The following KRTAP4-11 variants were observed in gnomAD, a reference collection of about 807,000 sequenced individuals.
KRTAP4-11 encodes the protein keratin-associated protein 4-11.
Under a neutral mutation model 3.4 loss-of-function variants are expected in KRTAP4-11, and 3 were observed. The ratio of observed to expected loss-of-function variants is 0.87; its 90% CI spans 0.40 to 2.26. The LOEUF is 2.26. Ranked by LOEUF, KRTAP4-11 falls within the 30% of genes most tolerant of loss-of-function variation. KRTAP4-11 has a pLI of 0.05. For missense variants in KRTAP4-11, 248 were observed against 258.8 expected (o/e 0.96, Z 0.29); for synonymous variants, 94 against 89.4 (o/e 1.05, Z -0.29).
rs755426747 is a variant in KRTAP4-11, at chr17:41,118,332, G to A, written c.-17C>T. 4 of 1,579,262 alleles carry A rather than the reference G, an allele frequency of 2.5e-6. No individual in the cohort carries two copies. Among genetic ancestry groups the A allele is most frequent in the Non-Finnish European group, 3.4e-6 (4 of 1,161,470 alleles). On this transcript the variant is annotated 5_prime_UTR_variant, in exon 1 of 1. Coordinates refer to ENST00000391413, the MANE Select transcript of KRTAP4-11 (RefSeq NM_033059.4). ...GTTTACCATGGTGTCAGAGGGTGAA[G>A]GATCTAGTTGGGTTTCTAGGAGAGT...
rs532970353 is a variant in KRTAP4-11, at chr17:41,117,759, C to G, written c.557G>C (p.Arg186Pro). 6.3e-7 allele frequency: 1 copy of G among 1,588,392 alleles called. No individual in the cohort carries two copies. The part of the protein sequence containing the change: ...RPTCVISSCP[R>P]PLCCASSCC ...GCAAGAGGAGGCACAGCACAAGGGG[C>G]GGGGGCAGCTGGAGATGACACAGGT... The change falls in exon 1 of 1, where the codon CGC becomes CCC. Residue 186 changes from arginine (R) to proline (P), a missense_variant. Physicochemically the swap from Arg to Pro is moderately radical, Grantham distance 103 (BLOSUM62 -2). Around this residue, in one of 3 missense-constraint regions of KRTAP4-11, gnomAD observed 131 missense variants for 130.2 expected, o/e 1.01. Coordinates refer to ENST00000391413, the MANE Select transcript of KRTAP4-11 (RefSeq NM_033059.4).
At position 41,117,781 on chromosome 17, in the gene KRTAP4-11, A is replaced by T. The variant is rs1467452911; in HGVS notation, c.535T>A (p.Cys179Ser). The T allele has an allele frequency of 6.3e-7, 1 of 1,596,234 alleles. No homozygotes were observed. The highest frequency in any genetic ancestry group is 1.1e-5 in the South Asian group (1 of 89,200). Residue 179 changes from cysteine (C) to serine (S), a missense_variant, in exon 1 of 1, where the codon TGT (cysteine) becomes AGT (serine). Around this residue, in one of 3 missense-constraint regions of KRTAP4-11, gnomAD observed 131 missense variants for 130.2 expected, o/e 1.01. Coordinates refer to ENST00000391413, the MANE Select transcript of KRTAP4-11 (RefSeq NM_033059.4). ...GGGCGGGGGCAGCTGGAGATGACACAGGTTGGGCGATAGCAAGTGGTGTGG... is the reference window on the plus strand; with the variant it reads ...GGGCGGGGGCAGCTGGAGATGACACTGGTTGGGCGATAGCAAGTGGTGTGG... ...SCHTTCYRPT[C>S]VISSCPRPLC...
Position 41,118,083 on chromosome 17 carries a change from C to T in KRTAP4-11, c.233G>A (p.Ser78Asn), listed in dbSNP as rs2014321652. The change falls in exon 1 of 1, where the codon AGC (serine) becomes AAC (asparagine). Residue 78 changes from serine (S) to asparagine (N), a missense_variant. Transcript: ENST00000391413. ...RCCISSCCRP[S>N]CCVSSCCKPQ... Reference sequence around the variant, plus strand: ...CTTGCAGCAGCTGGACACACAGCAGCTGGGGCGACAGCAGCTGGAGATGCA... The same window carrying T: ...CTTGCAGCAGCTGGACACACAGCAGTTGGGGCGACAGCAGCTGGAGATGCA... The T allele has an allele frequency of 1.9e-6, 3 of 1,581,222 alleles. No individual in the cohort carries two copies. The East Asian group carries it at 6.8e-5, about 36-fold the overall frequency.
In KRTAP4-11 at chr17:41,117,478, A is replaced by G. The variant is rs571162260; in HGVS notation, c.*250T>C. On this transcript the variant is annotated 3_prime_UTR_variant, in exon 1 of 1. Coordinates refer to ENST00000391413, the MANE Select transcript of KRTAP4-11 (RefSeq NM_033059.4). ...ATTTAGAGGATTGGAATAATTTCTT[A>G]GCTAGTGGATTACAAATTATTTCAT... 1.6e-6 allele frequency: 1 copy of G among 640,512 alleles called. No homozygotes were observed. The highest frequency in any genetic ancestry group is 2.6e-6 in the Non-Finnish European group (1 of 378,978). The allele number at this position is 640,512 out of a possible 1,614,324, so 39.7% of individuals were successfully genotyped here. A position where few individuals can be genotyped will look rare whatever the true frequency, so the allele number is the denominator to read the frequency against.
rs1487315410 is a variant in KRTAP4-11 at position 41,118,236 on chromosome 17, G to A, written c.80C>T (p.Pro27Leu). 4.3e-6 allele frequency: 7 copies of A among 1,613,610 alleles called. No individual in the cohort carries two copies. The Admixed American group carries it at 5.0e-5, about 12-fold the overall frequency. ...GCAGCAGGTGGTCTCACAGCAGCTG[G>A]GGCGGCAGCAGGTCTCCTGGCAGAG... ...RDLCQETCCR[P>L]SCCETTCCRT... Residue 27 changes from proline (P) to leucine (L), a missense_variant, in exon 1 of 1, where the codon CCC becomes CTC. By Grantham distance (98) the Pro-to-Leu change is moderately conservative. Around this residue, in one of 3 missense-constraint regions of KRTAP4-11, gnomAD observed 110 missense variants for 102.8 expected, o/e 1.07. Transcript: ENST00000391413.
rs2014329996 is a variant in KRTAP4-11, at chr17:41,118,274, G to A, written c.42C>T (p.Gly14=). The stretch of plus-strand genomic sequence containing the variant: ...TCTCCTGGCAGAGGTCTCGGCCACA[G>A]CCTTGGTGAGAGCACACGGAGCCAC... ...SCCGSVCSHQ[G]CGRDLCQETC... The change falls in exon 1 of 1, where the codon GGC becomes GGT. Residue 14 remains glycine, a synonymous_variant. Transcript: ENST00000391413. 1.2e-6 allele frequency: 2 copies of A among 1,612,556 alleles called. No individual in the cohort carries two copies. Among genetic ancestry groups the A allele is most frequent in the Non-Finnish European group, 1.7e-6 (2 of 1,179,352 alleles).
In KRTAP4-11 at chr17:41,118,336, C is replaced by A. The variant is rs1187946897; in HGVS notation, c.-21G>T. The A allele has an allele frequency of 3.8e-6, 6 of 1,577,788 alleles. No homozygotes were observed. In the South Asian group the frequency reaches 6.0e-5, roughly 16 times the overall value. ...ACCATGGTGTCAGAGGGTGAAGGAT[C>A]TAGTTGGGTTTCTAGGAGAGTGAAG... On this transcript the variant is annotated 5_prime_UTR_variant, in exon 1 of 1. Transcript: ENST00000391413.
In KRTAP4-11 at chr17:41,117,727, C is replaced by T. The variant is rs993204279; in HGVS notation, c.*1G>A. The stretch of plus-strand genomic sequence containing the variant: ...GGGAGAGATGAGCCAGGGCAGTGGG[C>T]TCAGCAGCAAGAGGAGGCACAGCAC... On this transcript the variant is annotated 3_prime_UTR_variant, in exon 1 of 1. Coordinates refer to ENST00000391413, the MANE Select transcript of KRTAP4-11 (RefSeq NM_033059.4). The T allele has an allele frequency of 3.2e-6, 5 of 1,573,854 alleles. No individual in the cohort carries two copies. The highest frequency in any genetic ancestry group is 1.9e-5 in the Admixed American group (1 of 53,116).
Position 41,117,378 on chromosome 17 carries a change from T to A in KRTAP4-11, c.*350A>T, listed in dbSNP as rs904611761. 1.8e-4 allele frequency: 60 copies of A among 337,086 alleles called. 1 individual carries two copies. The East Asian group carries it at 1.8e-3, about 10-fold the overall frequency. The allele number at this position is 337,086 out of a possible 1,614,324, so 20.9% of individuals were successfully genotyped here. Reference sequence around the variant, plus strand: ...CTGAAAGGCTGACAGACAAATAATATGTTTGAAATGGAGATAATGTGTACC... The same window carrying A: ...CTGAAAGGCTGACAGACAAATAATAAGTTTGAAATGGAGATAATGTGTACC... On this transcript the variant is annotated 3_prime_UTR_variant, in exon 1 of 1. Coordinates refer to ENST00000391413, the MANE Select transcript of KRTAP4-11 (RefSeq NM_033059.4).
In KRTAP4-11 at chr17:41,118,364, C is replaced by T; in HGVS notation, c.-49G>A. 1.3e-6 allele frequency: 2 copies of T among 1,534,982 alleles called. No individual in the cohort carries two copies. The highest frequency in any genetic ancestry group is 1.8e-6 in the Non-Finnish European group (2 of 1,138,046). ...GTTGGGTTTCTAGGAGAGTGAAGTT[C>T]TTGTGTTTGGAAGTCTCCTGGGCCT... On this transcript the variant is annotated 5_prime_UTR_variant, in exon 1 of 1. Transcript: ENST00000391413.
chr17:41,117,396 T>G lies in KRTAP4-11; in HGVS notation c.*332A>C. Reference sequence around the variant, plus strand: ...AATAATATGTTTGAAATGGAGATAATGTGTACCTCACTGGGAAGGATATTC... The same window carrying G: ...AATAATATGTTTGAAATGGAGATAAGGTGTACCTCACTGGGAAGGATATTC... On this transcript the variant is annotated 3_prime_UTR_variant, in exon 1 of 1. Transcript: ENST00000391413. 2.3e-6 allele frequency: 1 copy of G among 434,040 alleles called. No individual in the cohort carries two copies. The allele number at this position is 434,040 out of a possible 1,614,324, so 26.9% of individuals were successfully genotyped here.
rs770080799 is a variant in KRTAP4-11, at chr17:41,117,982, G to C, written c.334C>G (p.Pro112Ala). The C allele has an allele frequency of 4.7e-6, 7 of 1,483,160 alleles. No individual in the cohort carries two copies. Among genetic ancestry groups the C allele is most frequent in the Non-Finnish European group, 6.3e-6 (7 of 1,105,982 alleles). 91.9% of individuals were successfully genotyped at this position (1,483,160 alleles called of 1,614,324 possible). Residue 112 changes from proline to alanine, a missense_variant, in exon 1 of 1, where the codon CCC (proline) becomes GCC (alanine). Physicochemically the swap from Pro to Ala is conservative, Grantham distance 27. Around this residue, in one of 3 missense-constraint regions of KRTAP4-11, gnomAD observed 131 missense variants for 130.2 expected, o/e 1.01. Coordinates refer to ENST00000391413, the MANE Select transcript of KRTAP4-11 (RefSeq NM_033059.4). ...PRCCISSCCRPSCCVSSCCRP... is the reference protein window; with the variant it reads ...PRCCISSCCRASCCVSSCCRP... ...CAGCAGCTGGACACACAGCAGCTGG[G>C]GCGACAGCAGCTGGAGATGCAGCAT...
Position 41,117,360 on chromosome 17 carries a change from G to T in KRTAP4-11, c.*368C>A, listed in dbSNP as rs1013121527. ...TCCAAGAGAAAAGAATGACTGAAAG[G>T]CTGACAGACAAATAATATGTTTGAA... On this transcript the variant is annotated 3_prime_UTR_variant, in exon 1 of 1. Transcript: ENST00000391413. The T allele has an allele frequency of 5.4e-5, 16 of 298,986 alleles. No individual in the cohort carries two copies. Among genetic ancestry groups the T allele is most frequent in the Admixed American group, 2.8e-4 (6 of 21,548 alleles). 18.5% of individuals were successfully genotyped at this position (298,986 alleles called of 1,614,324 possible).
rs777282527 is a variant in KRTAP4-11 at position 41,117,848 on chromosome 17, G to A, written c.468C>T (p.Arg156=). The change falls in exon 1 of 1, where the codon CGC becomes CGT. Residue 156 remains arginine (R), a synonymous_variant. Coordinates refer to ENST00000391413, the MANE Select transcript of KRTAP4-11 (RefSeq NM_033059.4). The part of the protein sequence containing the change: ...RPSCCESSCC[R]PCCCLRPVCG... ...AGACTGGACGCAGGCAGCAGCAGGG[G>A]CGGCAGCAGCTGGATTCACAGCAAG... The A allele has an allele frequency of 4.4e-6, 7 of 1,604,186 alleles. No homozygotes were observed. The Admixed American group carries it at 1.0e-4, about 23-fold the overall frequency.
Position 41,117,970 on chromosome 17 carries a change from C to A in KRTAP4-11, c.346G>T (p.Val116Leu). 6.7e-7 allele frequency: 1 copy of A among 1,496,666 alleles called. No homozygotes were observed. The highest frequency in any genetic ancestry group is 2.4e-5 in the East Asian group (1 of 40,838). The allele number at this position is 1,496,666 out of a possible 1,614,324, so 92.7% of individuals were successfully genotyped here. A position where few individuals can be genotyped will look rare whatever the true frequency, so the allele number is the denominator to read the frequency against. The change falls in exon 1 of 1, where the codon GTG (valine) becomes TTG (leucine). Residue 116 changes from valine (V) to leucine (L), a missense_variant. By Grantham distance (32) the Val-to-Leu change is conservative. Coordinates refer to ENST00000391413, the MANE Select transcript of KRTAP4-11 (RefSeq NM_033059.4). ...ISSCCRPSCCVSSCCRPQCCQ... is the reference protein window; with the variant it reads ...ISSCCRPSCCLSSCCRPQCCQ... ...CACTGGGGTCTGCAGCAGCTGGACA[C>A]ACAGCAGCTGGGGCGACAGCAGCTG...
rs113975046 is a variant in KRTAP4-11, at chr17:41,117,387, T to G, written c.*341A>C. 0.051 allele frequency: 19,192 copies of G among 376,634 alleles called. 1,400 individuals carry two copies. Among genetic ancestry groups the G allele is most frequent in the African/African-American group, 0.17 (8,165 of 48,158 alleles). 23.3% of individuals were successfully genotyped at this position (376,634 alleles called of 1,614,324 possible). ...TGACAGACAAATAATATGTTTGAAA[T>G]GGAGATAATGTGTACCTCACTGGGA... On this transcript the variant is annotated 3_prime_UTR_variant, in exon 1 of 1. Coordinates refer to ENST00000391413, the MANE Select transcript of KRTAP4-11 (RefSeq NM_033059.4).
At position 41,117,914 on chromosome 17, in the gene KRTAP4-11, G is replaced by A. The variant is rs2014314476; in HGVS notation, c.402C>T (p.Cys134=). ...CCQSVCCQPT[C]CHPSCSISSC... is the part of the protein sequence containing the mutation. ...TGGAGATGCTGCAGCTGGGGTGGCA[G>A]CAGGTGGGCTGGCAGCACACAGACT... The change falls in exon 1 of 1, where the codon TGC becomes TGT. Residue 134 remains cysteine (C), a synonymous_variant. Coordinates refer to ENST00000391413, the MANE Select transcript of KRTAP4-11 (RefSeq NM_033059.4). 6.2e-7 allele frequency: 1 copy of A among 1,605,434 alleles called. No individual in the cohort carries two copies. The highest frequency in any genetic ancestry group is 1.4e-5 in the African/African-American group (1 of 73,668).
Position 41,117,576 on chromosome 17 carries a change from G to C in KRTAP4-11, c.*152C>G. On this transcript the variant is annotated 3_prime_UTR_variant, in exon 1 of 1. Transcript: ENST00000391413. ...AAATGAACCAGAATGTTCTCACAGA[G>C]TCAGTGGGATGGTGATGGGCTCATT... The C allele has an allele frequency of 8.0e-7, 1 of 1,242,428 alleles. No individual in the cohort carries two copies. Among genetic ancestry groups the C allele is most frequent in the Non-Finnish European group, 1.1e-6 (1 of 910,396 alleles). 77.0% of individuals were successfully genotyped at this position (1,242,428 alleles called of 1,614,324 possible). A position where few individuals can be genotyped will look rare whatever the true frequency, so the allele number is the denominator to read the frequency against.
rs1402511514 is a variant in KRTAP4-11 at position 41,117,763 on chromosome 17, G to C, written c.553C>G (p.Pro185Ala). The C allele has an allele frequency of 1.9e-6, 3 of 1,590,396 alleles. No individual in the cohort carries two copies. Among genetic ancestry groups the C allele is most frequent in the Non-Finnish European group, 2.6e-6 (3 of 1,168,656 alleles). The change falls in exon 1 of 1, where the codon CCC becomes GCC. Residue 185 changes from proline to alanine, a missense_variant. Physicochemically the swap from Pro to Ala is conservative, Grantham distance 27. Coordinates refer to ENST00000391413, the MANE Select transcript of KRTAP4-11 (RefSeq NM_033059.4). ...GAGGAGGCACAGCACAAGGGGCGGG[G>C]GCAGCTGGAGATGACACAGGTTGGG... is the stretch of plus-strand genomic sequence containing the variant. The part of the protein sequence containing the change: ...YRPTCVISSC[P>A]RPLCCASSCC
Sources: allele counts gnomAD v4.1 joint callset, GRCh38; gene constraint gnomAD v4.1.1; regional missense constraint gnomAD v4.1.1; transcripts MANE v1.5; gene names NCBI Gene and HGNC (gene_info 2026-07-23, HGNC 2026-07-21).